Variants in LRBA observed in about 807,000 individuals in gnomAD.
The protein encoded by LRBA is lipopolysaccharide-responsive and beige-like anchor protein.
In LRBA, 176 loss-of-function variants were observed where a neutral mutation model predicts 330.0. The ratio of observed to expected loss-of-function variants is 0.53; its 90% CI spans 0.47 to 0.60. The LOEUF (loss-of-function observed/expected upper bound fraction) is 0.60. Ranked by LOEUF, LRBA falls within the 20% of genes least tolerant of loss-of-function variation. The probability of loss-of-function intolerance (pLI) is 0.00; values close to 1 mark genes in which losing one functional copy is unlikely to be tolerated. For synonymous variants in LRBA, 1,230 were observed against 1,193.0 expected (o/e 1.03, Z -0.64); for missense variants, 3,259 against 3,444.8 (o/e 0.95, Z 1.35).
Position 150,799,767 on chromosome 4 carries a change from CGTT to C in LRBA, c.5519-1628_5519-1626del, listed in dbSNP as rs1296708755. Among the ~76,000 whole-genome samples, 17 of 152,106 alleles carry C rather than the reference CGTT, an allele frequency of 1.1e-4. No individual in the cohort carries two copies. In the South Asian group the frequency reaches 3.5e-3, roughly 31 times the overall value. ...ATACATATATATATATTTTTTGAGA[CGTT>C]GTCTCGCTCTGTCACCCAGGCTGGA... On this transcript the variant is annotated intron_variant, in intron 33 of 56. Transcript: ENST00000651943.
chr4:151,005,796 T>C (rs1017938386), intron 2 of LRBA, among the ~76,000 whole-genome samples: 1 of 151,802 alleles, frequency 6.6e-6, no homozygotes, highest in Admixed American at 6.6e-5. Context: ...GTAGAGAACA[T>C]GTTGGCCAGG....
chr4:150,950,374 G>A (rs1736698340), intron 2 of LRBA, among the ~76,000 whole-genome samples: 1 of 152,022 alleles, frequency 6.6e-6, no homozygotes, highest in Non-Finnish European at 1.5e-5. Context: ...TAAAACTATA[G>A]CATCACATAC....
rs548941852 is a variant in LRBA, at chr4:150,590,008, C to T, written c.6193+705G>A. 2.0e-5 allele frequency among the ~76,000 whole-genome samples: 3 copies of T among 152,260 alleles called. No individual in the cohort carries two copies. The South Asian group carries it at 6.2e-4, about 32-fold the overall frequency. ...TCACCAAAAGCAAGGTTTTTAATGT[C>T]TTTTCTCTTAAAATTATCAAAATGG... is the stretch of plus-strand genomic sequence containing the variant. On this transcript the variant is annotated intron_variant, in intron 39 of 56. Transcript: ENST00000651943.
intron 37 of LRBA, among the ~76,000 whole-genome samples, chr4:150,612,794 A>C (rs1306330486): frequency 2.0e-5 from 3 of 152,226 alleles, no homozygotes; most frequent in African/African-American, 7.2e-5. Flanking sequence ...TAAAATAAGC[A>C]AACAAAAAAT....
At chr4:150,548,683 T>C (rs1442542650) in intron 40 of LRBA, among the ~76,000 whole-genome samples, 1 of 152,116 alleles carries the variant, frequency 6.6e-6, no homozygotes, top group Non-Finnish European at 1.5e-5. Flanking sequence ...CCTCAAAGTA[T>C]CCCCTCTGTT....
chr4:150,359,271 T>C (rs774422014), intron 47 of LRBA, among the ~76,000 whole-genome samples: 2 of 152,220 alleles, frequency 1.3e-5, no homozygotes, highest in Non-Finnish European at 2.9e-5. Flanking sequence ...TGGTTACTAT[T>C]GGTCTTGTGC....
At chr4:150,820,475 A>T (rs1288957349) in intron 30 of LRBA, among the ~76,000 whole-genome samples, 1 of 152,060 alleles carries the variant, frequency 6.6e-6, no homozygotes, top group Non-Finnish European at 1.5e-5. Flanking sequence ...CTAACATATA[A>T]AATTATTTAT....
intron 42 of LRBA, among the ~76,000 whole-genome samples, chr4:150,477,760 C>T (rs536370305): frequency 2.6e-5 from 4 of 151,770 alleles, no homozygotes; most frequent in Non-Finnish European, 2.9e-5. Flanking sequence ...TGTGACAACC[C>T]CCCTCCCCGC....
chr4:150,879,941 A>C (rs1359607504), intron 17 of LRBA, among the ~76,000 whole-genome samples: 2 of 152,200 alleles, frequency 1.3e-5, no homozygotes, highest in African/African-American at 4.8e-5. Flanking sequence ...AGGCAAAGCA[A>C]TCCTAAACAA....
chr4:150,717,413 A>G (rs1033189303), intron 36 of LRBA, among the ~76,000 whole-genome samples: 2 of 151,878 alleles, frequency 1.3e-5, no homozygotes, highest in Non-Finnish European at 2.9e-5. Context: ...AGTGGCTCAT[A>G]TATGTAATCC....
At chr4:150,377,670 T>G (rs1186146348) in intron 47 of LRBA, among the ~76,000 whole-genome samples, 1 of 152,142 alleles carries the variant, frequency 6.6e-6, no homozygotes, top group Non-Finnish European at 1.5e-5. Flanking sequence ...ACTTTATAAT[T>G]AATATAAAAA....
chr4:150,265,258 C>T lies in LRBA; in HGVS notation c.*464G>A. 6.4e-6 allele frequency: 1 copy of T among 156,116 alleles called. No homozygotes were observed. The highest frequency in any genetic ancestry group is 1.4e-5 in the Non-Finnish European group (1 of 69,988). 9.7% of individuals were successfully genotyped at this position (156,116 alleles called of 1,614,324 possible). A position where few individuals can be genotyped will look rare whatever the true frequency, so the allele number is the denominator to read the frequency against. On this transcript the variant is annotated 3_prime_UTR_variant, in exon 57 of 57. Transcript: ENST00000651943. Reference sequence around the variant, plus strand: ...TAATTTAAACATTACTATTTAAATCCCAGAAATATTAGTGCTGAAGAAGCA... The same window carrying T: ...TAATTTAAACATTACTATTTAAATCTCAGAAATATTAGTGCTGAAGAAGCA...
At position 150,487,801 on chromosome 4, in the gene LRBA, G is replaced by C; in HGVS notation, c.6482C>G (p.Thr2161Arg). Reference sequence around the variant, plus strand: ...TAGATAGTTAACCACTTTCTTTACTGTTGCAGGGTCTGGGAAGTTGAACAT... The same window carrying C: ...TAGATAGTTAACCACTTTCTTTACTCTTGCAGGGTCTGGGAAGTTGAACAT... Reference protein sequence around the residue: ...AVMFNFPDPATVKKVVNYLPR... With the variant: ...AVMFNFPDPARVKKVVNYLPR... Residue 2161 changes from threonine to arginine, a missense_variant, in exon 42 of 57, where the codon ACA (threonine) becomes AGA (arginine). Transcript: ENST00000651943. The C allele has an allele frequency of 1.3e-6, 2 of 1,594,364 alleles. No homozygotes were observed. Among genetic ancestry groups the C allele is most frequent in the Non-Finnish European group, 8.6e-7 (1 of 1,166,314 alleles).
At chr4:150,636,811 C>G (rs1777968105) in intron 37 of LRBA, among the ~76,000 whole-genome samples, 1 of 152,108 alleles carries the variant, frequency 6.6e-6, no homozygotes, top group Non-Finnish European at 1.5e-5. Flanking sequence ...CTACACCTGG[C>G]TAATTTTTAA....
chr4:150,711,228 A>G (rs1361005408), intron 36 of LRBA, among the ~76,000 whole-genome samples: 1 of 148,150 alleles, frequency 6.7e-6, no homozygotes, highest in African/African-American at 2.6e-5. Context: ...AGTCAAATCT[A>G]AGAAGTTAAT....
At chr4:150,618,464 A>G (rs886234956) in intron 37 of LRBA, among the ~76,000 whole-genome samples, 2 of 152,186 alleles carry the variant, frequency 1.3e-5, no homozygotes, top group Non-Finnish European at 2.9e-5. Context: ...AACTTTGTTT[A>G]TATTAGGAAA....
intron 35 of LRBA, among the ~76,000 whole-genome samples, chr4:150,738,521 C>G (rs1336256939): frequency 1.3e-5 from 2 of 152,050 alleles, no homozygotes; most frequent in South Asian, 2.1e-4. Context: ...TGATACAAGT[C>G]AAGGAAAACA....
intron 56 of LRBA, among the ~76,000 whole-genome samples, chr4:150,267,252 G>A (rs1480419862): frequency 2.0e-5 from 3 of 152,092 alleles, no homozygotes; most frequent in Non-Finnish European, 2.9e-5. Flanking sequence ...TTTTTGCAGT[G>A]CGCATGGAAT....
chr4:150,415,733 T>C, intron 46 of LRBA, 143 bp from the exon 47 acceptor site: 1 of 566,386 alleles, frequency 1.8e-6, no homozygotes, highest in Non-Finnish European at 3.1e-6. Context: ...ATCATAGCCC[T>C]GTCACAGTTT....
Sources: gnomAD v4.1 joint callset for allele counts (sites outside exome capture counted in the v4.1 genomes callset) on GRCh38, gnomAD v4.1.1 for gene constraint, MANE v1.5 for transcripts, NCBI Gene and HGNC (gene_info 2026-07-23, HGNC 2026-07-21) for gene names.